Variants in TDRP observed in about 807,000 individuals in gnomAD.
TDRP encodes the protein testis development related protein.
In TDRP, 12 loss-of-function variants were observed where a neutral mutation model predicts 10.5. That is an observed-to-expected ratio of 1.15 (90% confidence interval 0.73 to 1.86). The LOEUF is 1.86. Among genes scored for constraint, TDRP ranks in the 40% most tolerant of loss-of-function variants. The pLI is 0.00. For missense variants in TDRP, 353 were observed against 229.2 expected (o/e 1.54, Z -3.49); for synonymous variants, 139 against 95.4 (o/e 1.46, Z -2.67).
chr8:521,609 A>G (rs62484426), intron 1 of TDRP, among the ~76,000 whole-genome samples: 3,751 of 152,294 alleles, frequency 0.025, 89 homozygotes, highest in East Asian at 0.11. Flanking sequence ...GTTTATGCCA[A>G]TATCATACTG....
chr8:510,763 C>G (rs1338342199), intron 1 of TDRP, among the ~76,000 whole-genome samples: 3 of 152,222 alleles, frequency 2.0e-5, no homozygotes, highest in Non-Finnish European at 4.4e-5. Flanking sequence ...ACGAGGAACT[C>G]CATACAGCAA....
At chr8:510,020 C>G (rs1462513525) in intron 1 of TDRP, among the ~76,000 whole-genome samples, 1 of 152,134 alleles carries the variant, frequency 6.6e-6, no homozygotes, top group Non-Finnish European at 1.5e-5. Flanking sequence ...CGAATTTAGA[C>G]ACATGCGATG....
At chr8:530,388 T>C (rs893252382) in intron 1 of TDRP, among the ~76,000 whole-genome samples, 2 of 152,204 alleles carry the variant, frequency 1.3e-5, no homozygotes, top group South Asian at 4.1e-4. Context: ...GTTCCATTAA[T>C]TGGGCCATAT....
rs376913631 is a variant in TDRP, at chr8:492,561, G to C, written c.396C>G (p.Ser132=). ...TGGCGTCATCCTCCCAGCCTGACCA[G>C]GATGGGTGGCCACCCACGGTGTCCT... ...DPEDTVGGHP[S]WSGWEDDAKG... Residue 132 remains serine (S), a synonymous_variant, in exon 3 of 3, where the codon TCC becomes TCG. Coordinates refer to ENST00000324079, the MANE Select transcript of TDRP (RefSeq NM_001384899.1). 1 of 1,612,998 alleles carries C rather than the reference G, an allele frequency of 6.2e-7. No homozygotes were observed. The highest frequency in any genetic ancestry group is 1.3e-5 in the African/African-American group (1 of 74,936).
In TDRP at chr8:507,869, G is replaced by C. The variant is rs533162772; in HGVS notation, c.109-13272C>G. On this transcript the variant is annotated intron_variant, in intron 1 of 2. Transcript: ENST00000324079. ...TGTACAACAAACTCCCATGACACAA[G>C]TTTACCTATATAACAAACTTTCACC... 1.2e-4 allele frequency among the ~76,000 whole-genome samples: 19 copies of C among 152,184 alleles called. No individual in the cohort carries two copies. The South Asian group carries it at 1.9e-3, about 15-fold the overall frequency.
intron 1 of TDRP, among the ~76,000 whole-genome samples, chr8:498,452 G>C (rs566309988): frequency 6.4e-4 from 97 of 152,206 alleles, no homozygotes; most frequent in Non-Finnish European, 1.2e-3. Flanking sequence ...TTTTGTTGTG[G>C]GTGCATTTAC....
chr8:538,155 T>G (rs899484206), intron 1 of TDRP, among the ~76,000 whole-genome samples: 2 of 152,300 alleles, frequency 1.3e-5, no homozygotes, highest in East Asian at 3.9e-4. Context: ...AAGACAGCTG[T>G]GATTTGCAGC....
At chr8:527,850 TAAGCA>T (rs1332018196) in intron 1 of TDRP, among the ~76,000 whole-genome samples, 1 of 152,090 alleles carries the variant, frequency 6.6e-6, no homozygotes, top group African/African-American at 2.4e-5. Context: ...GACATTGGAC[TAAGCA>T]AAGATTTCTT....
At chr8:542,663 G>C (rs778287307) in intron 1 of TDRP, among the ~76,000 whole-genome samples, 9 of 151,792 alleles carry the variant, frequency 5.9e-5, no homozygotes, top group East Asian at 3.9e-4. Flanking sequence ...TCATGAGTTC[G>C]AGACCAGCCT....
intron 1 of TDRP, among the ~76,000 whole-genome samples, chr8:542,102 C>A (rs768080921): frequency 1.3e-5 from 2 of 152,140 alleles, no homozygotes; most frequent in Admixed American, 6.6e-5. Context: ...GAGCTACAAG[C>A]CGTGAAAAGA....
At chr8:509,571 A>G (rs1248256292) in intron 1 of TDRP, among the ~76,000 whole-genome samples, 1 of 152,278 alleles carries the variant, frequency 6.6e-6, no homozygotes, top group East Asian at 1.9e-4. Context: ...ACAGGGCACC[A>G]AGAACCAGGC....
chr8:492,451 A>G lies in TDRP; in HGVS notation c.506T>C (p.Ile169Thr). Residue 169 changes from isoleucine (I) to threonine (T), a missense_variant, in exon 3 of 3, where the codon ATC becomes ACC. Ile to Thr is a moderately conservative substitution (Grantham distance 89). Coordinates refer to ENST00000324079, the MANE Select transcript of TDRP (RefSeq NM_001384899.1). ...SLRAAGRLVS[I>T]RRQSKGHLTD... ...CAGGTGGCCTTTACTCTGCCGTCGG[A>G]TGCTCACCAGCCTCCCTGCCGCGCG... 5 of 1,596,766 alleles carry G rather than the reference A, an allele frequency of 3.1e-6. No homozygotes were observed. Among genetic ancestry groups the G allele is most frequent in the Non-Finnish European group, 4.3e-6 (5 of 1,167,786 alleles).
At chr8:526,355 T>G (rs1802035134) in intron 1 of TDRP, among the ~76,000 whole-genome samples, 1 of 152,210 alleles carries the variant, frequency 6.6e-6, no homozygotes, top group African/African-American at 2.4e-5. Context: ...ATGAATCTGT[T>G]GCATATGGCT....
intron 1 of TDRP, among the ~76,000 whole-genome samples, chr8:509,192 T>C (rs1356987925): frequency 1.3e-5 from 2 of 152,176 alleles, no homozygotes; most frequent in Non-Finnish European, 2.9e-5. Flanking sequence ...AGGCATATGG[T>C]GCAAACTGTC....
chr8:517,107 T>C (rs1049309487), intron 1 of TDRP, among the ~76,000 whole-genome samples: 3 of 152,182 alleles, frequency 2.0e-5, no homozygotes, highest in Admixed American at 1.3e-4. Context: ...TTCCTCCCTT[T>C]GGCGCTCAGG....
chr8:501,689 A>C (rs79836836), intron 1 of TDRP, among the ~76,000 whole-genome samples: 1 of 152,360 alleles, frequency 6.6e-6, no homozygotes, highest in African/African-American at 2.4e-5. Flanking sequence ...GTCATAGGTC[A>C]GGAAAAATTA....
intron 1 of TDRP, among the ~76,000 whole-genome samples, chr8:507,069 G>A (rs1279809125): frequency 6.6e-6 from 1 of 152,172 alleles, no homozygotes; most frequent in African/African-American, 2.4e-5. Flanking sequence ...GGAAGGCAAA[G>A]GGGAGGCAGG....
intron 1 of TDRP, among the ~76,000 whole-genome samples, chr8:500,795 G>T (rs1801270853): frequency 6.6e-6 from 1 of 152,186 alleles, no homozygotes; most frequent in Admixed American, 6.5e-5. Flanking sequence ...ACCAGGGCAG[G>T]AAATAGCACA....
At position 515,256 on chromosome 8, in the gene TDRP, T is replaced by A. The variant is rs975223308; in HGVS notation, c.109-20659A>T. 9.2e-5 allele frequency among the ~76,000 whole-genome samples: 14 copies of A among 152,216 alleles called. 1 individual carries two copies. The highest frequency in any genetic ancestry group is 2.6e-4 in the Admixed American group (4 of 15,282). ...TCTATCTTTTCTATGACTTTGTAAC[T>A]GCTCACTTAGCAATCATTCAGACAG... On this transcript the variant is annotated intron_variant, in intron 1 of 2. Coordinates refer to ENST00000324079, the MANE Select transcript of TDRP (RefSeq NM_001384899.1).
Sources: gnomAD v4.1 joint callset for allele counts (sites outside exome capture counted in the v4.1 genomes callset) on GRCh38, gnomAD v4.1.1 for gene constraint, MANE v1.5 for transcripts, NCBI Gene and HGNC (gene_info 2026-07-23, HGNC 2026-07-21) for gene names.